DIAPH2: variants seen among roughly 807,000 people sequenced by gnomAD.
DIAPH2 encodes the protein diaphanous related formin 2, also known as protein diaphanous homolog 2.
Under a neutral mutation model 92.7 loss-of-function variants are expected in DIAPH2, and 35 were observed. That is an observed-to-expected ratio of 0.38 (90% CI 0.29 to 0.50). The LOEUF is 0.50. DIAPH2 is among the 20% of genes least tolerant of loss of function. The pLI is 0.94. For missense variants in DIAPH2, 701 were observed against 819.5 expected (o/e 0.86, Z 1.77); for synonymous variants, 301 against 280.4 (o/e 1.07, Z -0.73).
At chrX:97,126,250 G>A (rs1305934551) in intron 21 of DIAPH2, among the ~76,000 whole-genome samples, 1 of 111,597 alleles carries the variant, frequency 9.0e-6, no homozygotes, top group Non-Finnish European at 1.9e-5. Context: ...TAGCTACCAT[G>A]ACTAAGTTTG....
intron 1 of DIAPH2, among the ~76,000 whole-genome samples, chrX:96,691,090 C>G (rs1241530303): frequency 9.0e-6 from 1 of 111,644 alleles, no homozygotes; most frequent in Non-Finnish European, 1.9e-5. Flanking sequence ...ATGTTCTTTT[C>G]CAACCTGCTT....
At chrX:96,773,699 A>G (rs775059460) in intron 4 of DIAPH2, among the ~76,000 whole-genome samples, 2 of 110,522 alleles carry the variant, frequency 1.8e-5, no homozygotes, top group East Asian at 5.7e-4. Flanking sequence ...ATAATATCAA[A>G]ATTAGCTGGG....
At chrX:96,702,008 GTCT>G (rs1189168924) in intron 1 of DIAPH2, among the ~76,000 whole-genome samples, 4 of 112,026 alleles carry the variant, frequency 3.6e-5, no homozygotes, top group East Asian at 5.6e-4. Flanking sequence ...ATAGCATTCT[GTCT>G]TCTTCTTACA....
intron 17 of DIAPH2, among the ~76,000 whole-genome samples, chrX:97,047,373 T>C (rs146973797): frequency 0.035 from 3,802 of 109,149 alleles, 85 homozygotes; most frequent in Middle Eastern, 0.083. Context: ...ATGACATTTA[T>C]GGTGGTTAGC....
At chrX:96,699,323 T>A (rs1483270451) in intron 1 of DIAPH2, among the ~76,000 whole-genome samples, 1 of 112,109 alleles carries the variant, frequency 8.9e-6, no homozygotes, top group Non-Finnish European at 1.9e-5. Flanking sequence ...CGGATAAATA[T>A]GTAAGGAAGG....
intron 4 of DIAPH2, among the ~76,000 whole-genome samples, chrX:96,844,687 T>C (rs1448851710): frequency 8.9e-6 from 1 of 112,296 alleles, no homozygotes; most frequent in Admixed American, 9.4e-5. Flanking sequence ...TACTTCCGTT[T>C]CATATATTTT....
chrX:96,832,020 G>T (rs972553805), intron 4 of DIAPH2, among the ~76,000 whole-genome samples: 3 of 111,462 alleles, frequency 2.7e-5, no homozygotes, highest in Admixed American at 9.6e-5. Context: ...ATCCTACTGT[G>T]ACCTTCTAAG....
chrX:97,427,848 G>C (rs943311079), intron 25 of DIAPH2, among the ~76,000 whole-genome samples: 1 of 109,682 alleles, frequency 9.1e-6, no homozygotes, highest in African/African-American at 3.3e-5. Flanking sequence ...CACCATGCCT[G>C]GCTAATTTTT....
At chrX:97,093,897 A>T (rs980763347) in intron 19 of DIAPH2, among the ~76,000 whole-genome samples, 1 of 111,971 alleles carries the variant, frequency 8.9e-6, no homozygotes, top group Non-Finnish European at 1.9e-5. Flanking sequence ...ATGTTTAGCT[A>T]CCGTGTAATT....
chrX:96,829,929 T>A (rs2064840656), intron 4 of DIAPH2, among the ~76,000 whole-genome samples: 1 of 110,285 alleles, frequency 9.1e-6, no homozygotes, highest in African/African-American at 3.3e-5. Context: ...TGATGTGTAT[T>A]TTTATCTGGA....
chrX:96,867,209 T>G (rs2065109860), intron 4 of DIAPH2, among the ~76,000 whole-genome samples: 1 of 110,802 alleles, frequency 9.0e-6, no homozygotes, highest in African/African-American at 3.3e-5. Context: ...TCAGGTTGGG[T>G]TTTTGTTTTG....
chrX:97,237,633 C>G (rs2068058638), intron 22 of DIAPH2, among the ~76,000 whole-genome samples: 1 of 109,957 alleles, frequency 9.1e-6, no homozygotes, highest in Non-Finnish European at 1.9e-5. Flanking sequence ...CCAGGCTGGA[C>G]TGCAGTGGCG....
At chrX:96,701,544 A>G (rs964602366) in intron 1 of DIAPH2, 5 of 110,302 alleles carry the variant, frequency 4.5e-5, no homozygotes, top group African/African-American at 6.6e-5. Flanking sequence ...AAGTGGGGAA[A>G]GAGTAGAACA....
rs376447052 is a variant in DIAPH2 at position 97,114,936 on chromosome X, T to C, written c.2560T>C (p.Leu854=). 2 of 1,188,068 alleles carry C rather than the reference T, an allele frequency of 1.7e-6. No homozygotes were observed. Among genetic ancestry groups the C allele is most frequent in the Non-Finnish European group, 2.3e-6 (2 of 883,288 alleles). Residue 854 remains leucine (L), a synonymous_variant, in exon 21 of 27, where the codon TTG becomes CTG. Coordinates refer to ENST00000324765, the MANE Select transcript of DIAPH2 (RefSeq NM_006729.5). Reference sequence around the variant, plus strand: ...CTCAGGCTCAAGAAATGCCCAGTCTTTGGGATTTAAGATCAACTTCCTTTG... The same window carrying C: ...CTCAGGCTCAAGAAATGCCCAGTCTCTGGGATTTAAGATCAACTTCCTTTG... ...MNSGSRNAQS[L]GFKINFLCKI...
rs913621229 is a variant in DIAPH2 at position 96,873,568 on chromosome X, A to C, written c.448-8011A>C. Reference sequence around the variant, plus strand: ...ACTTGGGGGATCCTTGTGGTGATGGAACTGTTCCATATCTTGATTGTGGTG... The same window carrying C: ...ACTTGGGGGATCCTTGTGGTGATGGCACTGTTCCATATCTTGATTGTGGTG... On this transcript the variant is annotated intron_variant, in intron 4 of 26. Coordinates refer to ENST00000324765, the MANE Select transcript of DIAPH2 (RefSeq NM_006729.5). 3.7e-5 allele frequency among the ~76,000 whole-genome samples: 4 copies of C among 108,725 alleles called. No individual in the cohort carries two copies. The South Asian group carries it at 1.6e-3, about 45-fold the overall frequency. The allele number at this position is 108,725 out of a possible 115,157, so 94.4% of individuals were successfully genotyped here.
At chrX:97,305,158 A>G (rs1425302217) in intron 23 of DIAPH2, among the ~76,000 whole-genome samples, 1 of 112,322 alleles carries the variant, frequency 8.9e-6, no homozygotes, top group African/African-American at 3.2e-5. Context: ...CATAGCCAAG[A>G]GTAGGAGCTA....
chrX:97,393,045 G>T (rs924363092), intron 25 of DIAPH2, among the ~76,000 whole-genome samples: 4 of 110,967 alleles, frequency 3.6e-5, no homozygotes, highest in African/African-American at 1.3e-4. Context: ...TGAGGTAGGA[G>T]AGCTAAGGTC....
chrX:97,244,732 C>G (rs1203206652), intron 22 of DIAPH2, among the ~76,000 whole-genome samples: 1 of 111,621 alleles, frequency 9.0e-6, no homozygotes, highest in Non-Finnish European at 1.9e-5. Flanking sequence ...CCTATTTGTT[C>G]AGATTTCTAT....
At chrX:97,422,693 A>G (rs2070021775) in intron 25 of DIAPH2, among the ~76,000 whole-genome samples, 2 of 112,151 alleles carry the variant, frequency 1.8e-5, no homozygotes, top group African/African-American at 6.5e-5. Flanking sequence ...TTACTTCAGT[A>G]ATTTTCAAGG....
Sources: gnomAD v4.1 joint callset for allele counts (sites outside exome capture counted in the v4.1 genomes callset) on GRCh38, gnomAD v4.1.1 for gene constraint, MANE v1.5 for transcripts, NCBI Gene and HGNC (gene_info 2026-07-23, HGNC 2026-07-21) for gene names.